The following TAF4 variants were observed in gnomAD, a reference collection of about 807,000 sequenced individuals.
TAF4 encodes transcription initiation factor TFIID subunit 4.
A neutral mutation model predicts 90.3 loss-of-function variants in TAF4; 9 were observed. That is an observed-to-expected ratio of 0.10 (90% CI 0.06 to 0.17). TAF4 has a LOEUF of 0.17. Among genes scored for constraint, TAF4 ranks in the 10% least tolerant of loss-of-function variants. TAF4 has a pLI of 1.00. For synonymous variants in TAF4, 818 were observed against 638.9 expected (o/e 1.28, Z -4.23); for missense variants, 1,351 against 1,370.7 (o/e 0.99, Z 0.23).
In TAF4 at chr20:62,009,061, C is replaced by T; in HGVS notation, c.1875G>A (p.Gln625=). 6.2e-7 allele frequency: 1 copy of T among 1,612,850 alleles called. No individual in the cohort carries two copies. Among genetic ancestry groups the T allele is most frequent in the Non-Finnish European group, 8.5e-7 (1 of 1,179,606 alleles). ...ETAANVKELV[Q]NLLDGKIEAE... is the part of the protein sequence containing the mutation. ...AGTCAAGGTTTCTCACCAGTAAATT[C>T]TGCACGAGCTCTTTCACATTAGCTG... The change falls in exon 5 of 15, where the codon CAG becomes CAA. Residue 625 remains glutamine, a synonymous_variant. Transcript: ENST00000252996.
chr20:62,041,891 A>T (rs1002778011), intron 1 of TAF4, among the ~76,000 whole-genome samples: 2 of 151,372 alleles, frequency 1.3e-5, no homozygotes, highest in African/African-American at 4.9e-5. Context: ...CTCCAGCCTG[A>T]GTGACAGAGT....
intron 1 of TAF4, among the ~76,000 whole-genome samples, chr20:62,038,493 T>C (rs2055946387): frequency 6.6e-6 from 1 of 151,466 alleles, no homozygotes; most frequent in South Asian, 2.1e-4. Flanking sequence ...CCAAAAGCAA[T>C]TGTTTTTCTA....
At chr20:61,993,802 G>C (rs552360267) in intron 14 of TAF4, among the ~76,000 whole-genome samples, 10 of 152,260 alleles carry the variant, frequency 6.6e-5, no homozygotes, top group African/African-American at 2.4e-4. Context: ...ACCCAGGCTA[G>C]AGTGCAGTGG....
At chr20:62,041,553 C>T (rs896939258) in intron 1 of TAF4, among the ~76,000 whole-genome samples, 1 of 151,940 alleles carries the variant, frequency 6.6e-6, no homozygotes. Context: ...TGCTTGAACC[C>T]GGGAGGCAGA....
chr20:62,043,830 G>A (rs185149334), intron 1 of TAF4, among the ~76,000 whole-genome samples: 7 of 152,316 alleles, frequency 4.6e-5, no homozygotes, highest in Admixed American at 6.5e-5. Flanking sequence ...CGATGACATT[G>A]CCTAATGATG....
chr20:62,016,444 C>G (rs1343225153), intron 1 of TAF4, among the ~76,000 whole-genome samples: 4 of 152,242 alleles, frequency 2.6e-5, no homozygotes, highest in Non-Finnish European at 5.9e-5. Context: ...CGTGGAAGGA[C>G]TGGACTGGCT....
chr20:61,982,172 C>A (rs201986325), intron 14 of TAF4, among the ~76,000 whole-genome samples: 45 of 4,146 alleles, frequency 0.011, no homozygotes, highest in Middle Eastern at 0.042. Flanking sequence ...ACACCCCACC[C>A]GAGAGGAGAC....
intron 1 of TAF4, among the ~76,000 whole-genome samples, chr20:62,019,921 C>T (rs1021440365): frequency 7.9e-5 from 12 of 152,192 alleles, no homozygotes; most frequent in Admixed American, 5.9e-4. Context: ...TGCCGGGTGC[C>T]GCAGGCCGCC....
chr20:62,065,668 G>T lies in TAF4; in HGVS notation c.143C>A (p.Pro48His). Reference sequence around the variant, plus strand: ...GCCGGCGGCCGCGGCCCGCACCTCGGGCGTGCGCGGCGCGAGGTGGTGGTG... The same window carrying T: ...GCCGGCGGCCGCGGCCCGCACCTCGTGCGTGCGCGGCGCGAGGTGGTGGTG... ...AHHHHLAPRTPEVRAAAAGAL... is the reference protein window; with the variant it reads ...AHHHHLAPRTHEVRAAAAGAL... The change falls in exon 1 of 15, where the codon CCC (proline) becomes CAC (histidine). Residue 48 changes from proline to histidine, a missense_variant. Around this residue, in one of 9 missense-constraint regions of TAF4, gnomAD observed 782 missense variants for 536.6 expected, o/e 1.46. Transcript: ENST00000252996. The T allele has an allele frequency of 1.8e-6, 2 of 1,136,042 alleles. No homozygotes were observed. Among genetic ancestry groups the T allele is most frequent in the Non-Finnish European group, 2.2e-6 (2 of 921,408 alleles). The allele number at this position is 1,136,042 out of a possible 1,614,324, so 70.4% of individuals were successfully genotyped here.
rs977973320 is a variant in TAF4 at position 61,975,940 on chromosome 20, A to G, written c.*228T>C. ...GCTTGTTTGGCAGGAAGGCCACTCA[A>G]TCAAGATGAGTTAAGATTTAATTGT... is the stretch of plus-strand genomic sequence containing the variant. On this transcript the variant is annotated 3_prime_UTR_variant, in exon 15 of 15. Coordinates refer to ENST00000252996, the MANE Select transcript of TAF4 (RefSeq NM_003185.4). 5.7e-6 allele frequency: 3 copies of G among 528,616 alleles called. No homozygotes were observed. The highest frequency in any genetic ancestry group is 2.8e-5 in the South Asian group (1 of 35,414). The allele number at this position is 528,616 out of a possible 1,614,324, so 32.7% of individuals were successfully genotyped here.
At chr20:62,009,757 G>A (rs912576503) in intron 4 of TAF4, among the ~76,000 whole-genome samples, 16 of 152,354 alleles carry the variant, frequency 1.1e-4, no homozygotes, top group Non-Finnish European at 1.9e-4. Flanking sequence ...AACGGGTGGC[G>A]CTGCTGTTTT....
chr20:62,003,063 G>A (rs914235794), intron 9 of TAF4, 97 bp downstream of exon 9: 49 of 1,025,928 alleles, frequency 4.8e-5, no homozygotes, highest in East Asian at 4.7e-4. Context: ...CCAGGGCCAC[G>A]TGGGAAAGAC....
intron 12 of TAF4, 152 bp downstream of exon 12, chr20:61,998,831 T>C: frequency 1.0e-6 from 1 of 1,002,044 alleles, no homozygotes; most frequent in Non-Finnish European, 1.5e-6. Context: ...AGGCTTCTCT[T>C]TGCAGCTCCA....
rs150697812 is a variant in TAF4 at position 62,041,582 on chromosome 20, T to C, written c.1360+22869A>G. ...AGGCAGAGGTTGCAGTGAGCCGAAA[T>C]TGCGCCACTGCACTCCAGCCTGGGC... On this transcript the variant is annotated intron_variant, in intron 1 of 14. Transcript: ENST00000252996. Among the ~76,000 whole-genome samples the C allele has an allele frequency of 1.3e-3, 199 of 151,928 alleles. 1 individual carries two copies. The highest frequency in any genetic ancestry group is 4.6e-3 in the African/African-American group (191 of 41,408).
intron 2 of TAF4, among the ~76,000 whole-genome samples, chr20:62,014,061 T>C (rs1472087324): frequency 1.1e-4 from 17 of 151,254 alleles, no homozygotes; most frequent in Admixed American, 1.1e-3. Context: ...TGTGTGTGTG[T>C]GTGTCCCTCT....
At chr20:62,014,498 G>A (rs766381697) in intron 2 of TAF4, 49 bp downstream of exon 2, 5 of 1,541,276 alleles carry the variant, frequency 3.2e-6, no homozygotes, top group South Asian at 1.2e-5. Context: ...CGTGGGGAGA[G>A]GGGCTGGGCA....
chr20:61,983,974 T>C (rs1460848222), intron 14 of TAF4, among the ~76,000 whole-genome samples: 1 of 152,142 alleles, frequency 6.6e-6, no homozygotes, highest in Non-Finnish European at 1.5e-5. Context: ...CCAATGAAGA[T>C]ATGACACGTG....
chr20:62,059,425 G>A (rs551641852), intron 1 of TAF4, among the ~76,000 whole-genome samples: 142 of 152,254 alleles, frequency 9.3e-4, no homozygotes, highest in African/African-American at 3.1e-3. Flanking sequence ...CCCCATTTTC[G>A]AACATAACTT....
chr20:62,008,854 C>T (rs1052996516), intron 5 of TAF4, 198 bp downstream of exon 5: 1 of 604,368 alleles, frequency 1.7e-6, no homozygotes, highest in Non-Finnish European at 2.5e-6. Flanking sequence ...CCCAGAACAC[C>T]CAGCCCCAGG....
Sources: allele counts gnomAD v4.1 joint callset (sites outside exome capture counted in the v4.1 genomes callset), GRCh38; gene constraint gnomAD v4.1.1; regional missense constraint gnomAD v4.1.1; transcripts MANE v1.5; gene names NCBI Gene and HGNC (gene_info 2026-07-23, HGNC 2026-07-21).